CNTNAP2: variants seen among roughly 807,000 people sequenced by gnomAD.
The protein encoded by CNTNAP2 is contactin associated protein 2.
CNTNAP2 carries 98 observed loss-of-function variants against 155.2 expected under a neutral mutation model. That is an observed-to-expected ratio of 0.63 (90% CI 0.54 to 0.75). The LOEUF (loss-of-function observed/expected upper bound fraction) is 0.75, where lower values mean the gene tolerates loss of function less well. Ranked by LOEUF, CNTNAP2 falls within the 30% of genes least tolerant of loss-of-function variation. The probability of loss-of-function intolerance (pLI) is 0.00; values close to 1 mark genes in which losing one functional copy is unlikely to be tolerated. For synonymous variants in CNTNAP2, 651 were observed against 631.2 expected (o/e 1.03, Z -0.47); for missense variants, 1,727 against 1,688.1 (o/e 1.02, Z -0.40).
rs548762189 is a variant in CNTNAP2 at position 147,960,681 on chromosome 7, T to G, written c.2256-17181T>G. 3.9e-5 allele frequency among the ~76,000 whole-genome samples: 6 copies of G among 152,192 alleles called. 1 individual carries two copies. The highest frequency in any genetic ancestry group is 2.4e-5 in the African/African-American group (1 of 41,528). On this transcript the variant is annotated intron_variant, in intron 14 of 23. Transcript: ENST00000361727. ...AGTTAAACACAGGATGAGCTCAACA[T>G]CCTAAGGTCCAGAGGAGAGTGGACG...
chr7:148,313,296 G>A (rs1797628875), intron 21 of CNTNAP2, among the ~76,000 whole-genome samples: 1 of 150,794 alleles, frequency 6.6e-6, no homozygotes, highest in Admixed American at 6.6e-5. Context: ...GGGCTTCCGA[G>A]GTGATCGGGC....
intron 13 of CNTNAP2, among the ~76,000 whole-genome samples, chr7:147,695,853 G>T (rs546693881): frequency 6.6e-6 from 1 of 152,170 alleles, no homozygotes; most frequent in Admixed American, 6.5e-5. Context: ...ACATTCTGTT[G>T]TTAGAAAACA....
intron 1 of CNTNAP2, among the ~76,000 whole-genome samples, chr7:146,411,712 T>C (rs1234712326): frequency 6.6e-6 from 1 of 152,130 alleles, no homozygotes; most frequent in Admixed American, 6.5e-5. Flanking sequence ...AATTGCCACA[T>C]ATAAAGGGTG....
chr7:148,210,672 T>C (rs949661974), intron 18 of CNTNAP2, among the ~76,000 whole-genome samples: 2 of 152,228 alleles, frequency 1.3e-5, no homozygotes, highest in Non-Finnish European at 2.9e-5. Flanking sequence ...ACATAGAAAC[T>C]GACCTAGAAG....
At chr7:147,138,912 T>C (rs2129286755) in intron 8 of CNTNAP2, among the ~76,000 whole-genome samples, 1 of 151,888 alleles carries the variant, frequency 6.6e-6, no homozygotes, top group Middle Eastern at 3.4e-3. Context: ...AGGCAAAAGG[T>C]GCCAATGAGA....
intron 14 of CNTNAP2, among the ~76,000 whole-genome samples, chr7:147,920,092 C>T (rs1329986651): frequency 6.6e-6 from 1 of 151,832 alleles, no homozygotes; most frequent in Non-Finnish European, 1.5e-5. Flanking sequence ...GGCGCGGTGG[C>T]TCATGCCTGT....
intron 11 of CNTNAP2, among the ~76,000 whole-genome samples, chr7:147,553,102 C>T (rs1019577340): frequency 2.0e-5 from 3 of 152,158 alleles, no homozygotes; most frequent in Non-Finnish European, 4.4e-5. Context: ...CAGTGACATT[C>T]TTGAAGGTGA....
intron 8 of CNTNAP2, among the ~76,000 whole-genome samples, chr7:147,255,162 T>C (rs1277810305): frequency 6.6e-6 from 1 of 152,212 alleles, no homozygotes; most frequent in Admixed American, 6.5e-5. Flanking sequence ...ATGTGAACTT[T>C]ACCTTTTTGG....
chr7:146,329,088 C>T (rs1801140707), intron 1 of CNTNAP2, among the ~76,000 whole-genome samples: 1 of 152,176 alleles, frequency 6.6e-6, no homozygotes, highest in African/African-American at 2.4e-5. Context: ...TTTTATTTTT[C>T]ATTTTTAAGA....
At chr7:147,952,824 A>G (rs1245911837) in intron 14 of CNTNAP2, among the ~76,000 whole-genome samples, 2 of 152,164 alleles carry the variant, frequency 1.3e-5, no homozygotes, top group East Asian at 3.9e-4. Flanking sequence ...TTAAAAATAT[A>G]CTTATTTTTT....
rs186557233 is a variant in CNTNAP2 at position 147,869,434 on chromosome 7, T to A, written c.2099-34131T>A. Among the ~76,000 whole-genome samples the A allele has an allele frequency of 8.1e-4, 124 of 152,274 alleles. 2 individuals carry two copies. Among genetic ancestry groups the A allele is most frequent in the African/African-American group, 2.9e-3 (120 of 41,556 alleles). Reference sequence around the variant, plus strand: ...AAATCTCCAAGTTGACAACAATGTGTTAAGAGAATGAGAATTTCAAAGTAC... The same window carrying A: ...AAATCTCCAAGTTGACAACAATGTGATAAGAGAATGAGAATTTCAAAGTAC... On this transcript the variant is annotated intron_variant, in intron 13 of 23. Transcript: ENST00000361727.
chr7:146,269,689 G>A (rs1800049357), intron 1 of CNTNAP2, among the ~76,000 whole-genome samples: 1 of 152,132 alleles, frequency 6.6e-6, no homozygotes, highest in Non-Finnish European at 1.5e-5. Flanking sequence ...ACAACCGAAA[G>A]GGTAAACATA....
chr7:148,195,871 A>G (rs1386749470), intron 18 of CNTNAP2, among the ~76,000 whole-genome samples: 1 of 152,116 alleles, frequency 6.6e-6, no homozygotes, highest in Non-Finnish European at 1.5e-5. Context: ...CAATTGAACC[A>G]CAATAAAGAC....
intron 11 of CNTNAP2, among the ~76,000 whole-genome samples, chr7:147,520,949 T>C (rs1426565914): frequency 6.6e-6 from 1 of 152,240 alleles, no homozygotes; most frequent in Non-Finnish European, 1.5e-5. Flanking sequence ...GGGATAGCTC[T>C]TCTGTTGCTA....
At chr7:147,789,209 A>G (rs1350603967) in intron 13 of CNTNAP2, among the ~76,000 whole-genome samples, 2 of 151,954 alleles carry the variant, frequency 1.3e-5, no homozygotes, top group East Asian at 3.9e-4. Flanking sequence ...GCCCGGCCCA[A>G]TAGAGTACAC....
chr7:146,165,654 A>G (rs1349600074), intron 1 of CNTNAP2, among the ~76,000 whole-genome samples: 1 of 152,152 alleles, frequency 6.6e-6, no homozygotes, highest in African/African-American at 2.4e-5. Flanking sequence ...ATCTATCTGT[A>G]TGTCTTCAAT....
chr7:148,349,011 A>ATTCG (rs923387024), intron 21 of CNTNAP2, among the ~76,000 whole-genome samples: 1 of 151,676 alleles, frequency 6.6e-6, no homozygotes, highest in African/African-American at 2.4e-5. Flanking sequence ...ATCTTAATTC[A>ATTCG]TCCAGCATTG....
chr7:147,685,518 T>C (rs897518820), intron 13 of CNTNAP2, among the ~76,000 whole-genome samples: 1 of 152,034 alleles, frequency 6.6e-6, no homozygotes, highest in Non-Finnish European at 1.5e-5. Flanking sequence ...ACTTCATTCA[T>C]TCATTCATTC....
At chr7:147,342,200 T>C (rs1292201880) in intron 9 of CNTNAP2, among the ~76,000 whole-genome samples, 1 of 152,080 alleles carries the variant, frequency 6.6e-6, no homozygotes, top group Non-Finnish European at 1.5e-5. Flanking sequence ...CCCATCACAT[T>C]TGGGATTTCA....
Sources: gnomAD v4.1 joint callset for allele counts (sites outside exome capture counted in the v4.1 genomes callset) on GRCh38, gnomAD v4.1.1 for gene constraint, MANE v1.5 for transcripts, NCBI Gene and HGNC (gene_info 2026-07-23, HGNC 2026-07-21) for gene names.